The following SNX31 variants were observed in gnomAD, a reference collection of about 807,000 sequenced individuals.
SNX31 encodes the protein sorting nexin 31, also known as sorting nexin-31.
Under a neutral mutation model 65.4 loss-of-function variants are expected in SNX31, and 58 were observed. The observed-to-expected ratio is 0.89, with a 90% CI of 0.72 to 1.10. SNX31 has a LOEUF of 1.10. Among genes scored for constraint, SNX31 ranks in the 50% least tolerant of loss-of-function variants. The pLI is 0.00. For synonymous variants in SNX31, 181 were observed against 190.1 expected (o/e 0.95, Z 0.39); for missense variants, 523 against 529.7 (o/e 0.99, Z 0.12).
At chr8:100,645,775 A>C (rs543139694) in intron 2 of SNX31, among the ~76,000 whole-genome samples, 9 of 152,058 alleles carry the variant, frequency 5.9e-5, no homozygotes, top group African/African-American at 1.9e-4. Flanking sequence ...ATGCCTGGCT[A>C]ATTTTTTGTA....
In SNX31 at chr8:100,622,172, C is replaced by T. The variant is rs1235850262; in HGVS notation, c.322-4442G>A. 2.6e-5 allele frequency among the ~76,000 whole-genome samples: 4 copies of T among 151,964 alleles called. No homozygotes were observed. The highest frequency in any genetic ancestry group is 4.4e-5 in the Non-Finnish European group (3 of 68,002). ...TAGAATGTTGTTGGCTTTTTTTTCA[C>T]GCTTAATTAGTTTAAAGCCAGGTTA... On this transcript the variant is annotated intron_variant, in intron 4 of 13. Transcript: ENST00000311812. The surrounding 1 kb of genome is among the most constrained non-coding windows in gnomAD (Gnocchi z 5.0).
At chr8:100,615,792 C>G (rs961559916) in intron 5 of SNX31, among the ~76,000 whole-genome samples, 2 of 152,042 alleles carry the variant, frequency 1.3e-5, no homozygotes, top group Non-Finnish European at 2.9e-5. Context: ...TTTTTGGAGA[C>G]GGAGTCTTGC....
upstream of SNX31, among the ~76,000 whole-genome samples, chr8:100,651,609 C>G (rs1026321324): frequency 2.0e-5 from 3 of 152,332 alleles, no homozygotes; most frequent in Middle Eastern, 6.8e-3. Context: ...GTCATTCAGT[C>G]AGTGAACATT....
Position 100,622,093 on chromosome 8 carries a change from C to T in SNX31, c.322-4363G>A, listed in dbSNP as rs907442939. Among the ~76,000 whole-genome samples, 1 of 152,162 alleles carries T rather than the reference C, an allele frequency of 6.6e-6. No homozygotes were observed. Among genetic ancestry groups the T allele is most frequent in the African/African-American group, 2.4e-5 (1 of 41,424 alleles). Reference sequence around the variant, plus strand: ...TTTTGGCCTTGACAATGAAAATAACCTGACTAATCGGAAGTAGTTGAGTTC... The same window carrying T: ...TTTTGGCCTTGACAATGAAAATAACTTGACTAATCGGAAGTAGTTGAGTTC... On this transcript the variant is annotated intron_variant, in intron 4 of 13. Transcript: ENST00000311812. This position sits in a 1 kb window ranked among gnomAD's most constrained non-coding sequence, Gnocchi z 5.0.
intron 8 of SNX31, among the ~76,000 whole-genome samples, chr8:100,606,996 A>G (rs188357137): frequency 2.0e-5 from 3 of 152,344 alleles, no homozygotes; most frequent in Admixed American, 2.0e-4. Flanking sequence ...ACCCACTTTC[A>G]TGGAGAAATC....
chr8:100,632,783 C>A (rs73274561), intron 3 of SNX31, among the ~76,000 whole-genome samples: 23,692 of 151,318 alleles, frequency 0.16, 2,100 homozygotes, highest in South Asian at 0.25. Context: ...AAAAAAAATA[C>A]AGAGATGAGA....
chr8:100,636,132 T>C, intron 2 of SNX31, 121 bp from the exon 3 acceptor site: 1 of 649,946 alleles, frequency 1.5e-6, no homozygotes, highest in Non-Finnish European at 2.7e-6. Context: ...TAAGCTTTCC[T>C]GGTAGCCCAA....
At chr8:100,632,198 C>G (rs1043813337) in intron 3 of SNX31, among the ~76,000 whole-genome samples, 35 of 152,100 alleles carry the variant, frequency 2.3e-4, no homozygotes, top group African/African-American at 8.5e-4. Flanking sequence ...ACAGGTCATC[C>G]TGATAATATG....
chr8:100,624,282 GA>G (rs1278526877), intron 4 of SNX31, among the ~76,000 whole-genome samples: 3 of 151,940 alleles, frequency 2.0e-5, no homozygotes, highest in Non-Finnish European at 2.9e-5. Flanking sequence ...CCTGTATCTA[GA>G]AAAAAATAAA....
Position 100,578,426 on chromosome 8 carries a change from T to C in SNX31, c.1171-1351A>G, listed in dbSNP as rs1813223753. ...TGGATCCTCAGGTTTAGCCATCACA[T>C]GGTACACACAGGCATTCATAAATGA... On this transcript the variant is annotated intron_variant, in intron 12 of 13. Coordinates refer to ENST00000311812, the MANE Select transcript of SNX31 (RefSeq NM_152628.4). This position sits in a 1 kb window ranked among gnomAD's most constrained non-coding sequence, Gnocchi z 4.7. Among the ~76,000 whole-genome samples, 1 of 152,236 alleles carries C rather than the reference T, an allele frequency of 6.6e-6. No homozygotes were observed. The highest frequency in any genetic ancestry group is 2.1e-4 in the South Asian group (1 of 4,836).
Position 100,643,452 on chromosome 8 carries a change from C to T in SNX31, c.141+5822G>A, listed in dbSNP as rs1244735408. 1.3e-5 allele frequency among the ~76,000 whole-genome samples: 2 copies of T among 152,120 alleles called. 1 individual carries two copies. The highest frequency in any genetic ancestry group is 1.3e-4 in the Admixed American group (2 of 15,276). On this transcript the variant is annotated intron_variant, in intron 2 of 13. Transcript: ENST00000311812. ...ACTCATTCTTCCCACCTCTCCAAGT[C>T]CCCTTGTAGTTAAAAACCCAAATTC...
intron 8 of SNX31, among the ~76,000 whole-genome samples, chr8:100,606,586 A>C (rs1338291843): frequency 6.6e-6 from 1 of 152,106 alleles, no homozygotes; most frequent in Non-Finnish European, 1.5e-5. Context: ...CTTTTTCTAC[A>C]CCCAAAGTAC....
At position 100,606,267 on chromosome 8, in the gene SNX31, T is replaced by C. The variant is rs546553716; in HGVS notation, c.681+2227A>G. ...CCAGGCTGGTCTTGAACTCCTGAGC[T>C]CAAGTAATCCACCTGCTTCAGCCTC... is the stretch of plus-strand genomic sequence containing the variant. On this transcript the variant is annotated intron_variant, in intron 8 of 13. Transcript: ENST00000311812. 1.4e-3 allele frequency among the ~76,000 whole-genome samples: 211 copies of C among 152,244 alleles called. 1 individual carries two copies. Among genetic ancestry groups the C allele is most frequent in the Admixed American group, 2.4e-3 (36 of 15,286 alleles).
chr8:100,646,337 G>A (rs1485023494), intron 2 of SNX31, among the ~76,000 whole-genome samples: 1 of 152,170 alleles, frequency 6.6e-6, no homozygotes, highest in Admixed American at 6.6e-5. Context: ...GGGAAGAAGA[G>A]GAGAGACCCG....
At chr8:100,634,964 G>C (rs1222213933) in intron 3 of SNX31, among the ~76,000 whole-genome samples, 3 of 137,834 alleles carry the variant, frequency 2.2e-5, no homozygotes, top group Admixed American at 7.1e-5. Context: ...TCAGGAAGCT[G>C]TGGTGGGAGG....
intron 12 of SNX31, among the ~76,000 whole-genome samples, chr8:100,579,094 C>A (rs574330338): frequency 1.3e-5 from 2 of 152,216 alleles, no homozygotes; most frequent in African/African-American, 4.8e-5. Flanking sequence ...CTTATGTGTT[C>A]TGCTACTATT....
At chr8:100,635,702 G>A (rs1197516302) in intron 3 of SNX31, among the ~76,000 whole-genome samples, 195 bp downstream of exon 3, 1 of 152,142 alleles carries the variant, frequency 6.6e-6, no homozygotes, top group Non-Finnish European at 1.5e-5. Context: ...GAGGGAAAGA[G>A]GAAGTGATTG....
rs1817786027 is a variant in SNX31, at chr8:100,622,736, G to A, written c.322-5006C>T. Among the ~76,000 whole-genome samples the A allele has an allele frequency of 6.6e-6, 1 of 152,072 alleles. No individual in the cohort carries two copies. The highest frequency in any genetic ancestry group is 2.4e-5 in the African/African-American group (1 of 41,402). ...AAATGGGGGCATTTAAAAATGGAGT[G>A]TTGATACATGAACTTCCCTCTCTAG... On this transcript the variant is annotated intron_variant, in intron 4 of 13. Transcript: ENST00000311812. The surrounding 1 kb of genome is among the most constrained non-coding windows in gnomAD (Gnocchi z 5.0).
chr8:100,628,404 G>A (rs1004766064), intron 4 of SNX31, among the ~76,000 whole-genome samples: 1 of 152,076 alleles, frequency 6.6e-6, no homozygotes, highest in African/African-American at 2.4e-5. Flanking sequence ...GGAATACTAT[G>A]CAGCCATAAA....
Sources: allele counts gnomAD v4.1 joint callset (sites outside exome capture counted in the v4.1 genomes callset), GRCh38; gene constraint gnomAD v4.1.1; non-coding constraint Gnocchi (gnomAD v3.1); transcripts MANE v1.5; gene names NCBI Gene and HGNC (gene_info 2026-07-23, HGNC 2026-07-21).